JUP: variants seen among roughly 807,000 people sequenced by gnomAD.
JUP encodes the protein catenin (cadherin-associated protein), gamma 80kDa.
Under a neutral mutation model 71.1 loss-of-function variants are expected in JUP, and 28 were observed. That is an observed-to-expected ratio of 0.39 (90% CI 0.29 to 0.54). The LOEUF (loss-of-function observed/expected upper bound fraction) is 0.54, where lower values mean the gene tolerates loss of function less well. JUP is among the 20% of genes least tolerant of loss of function. The pLI, the probability that JUP is intolerant of heterozygous loss-of-function variation, is 0.62. For synonymous variants in JUP, 401 were observed against 438.9 expected (o/e 0.91, Z 1.08); for missense variants, 869 against 1,030.1 (o/e 0.84, Z 2.14).
intron 1 of JUP, among the ~76,000 whole-genome samples, chr17:41,775,232 C>T (rs574330800): frequency 7.2e-5 from 11 of 152,196 alleles, no homozygotes; most frequent in Admixed American, 3.9e-4. Flanking sequence ...AAACAGGATT[C>T]CCACAACAGA....
At chr17:41,768,080 G>A (rs907972716) in intron 4 of JUP, among the ~76,000 whole-genome samples, 1 of 151,842 alleles carries the variant, frequency 6.6e-6, no homozygotes, top group African/African-American at 2.4e-5. Flanking sequence ...CCTGGCCAAC[G>A]TGGTGAAACC....
chr17:41,780,582 C>T (rs1555610013), intron 1 of JUP, among the ~76,000 whole-genome samples: 1 of 151,878 alleles, frequency 6.6e-6, no homozygotes, highest in Non-Finnish European at 1.5e-5. Context: ...GTAGTCCCAG[C>T]TACTTAGGAG....
At chr17:41,772,130 G>T in intron 1 of JUP, 1 of 552,592 alleles carries the variant, frequency 1.8e-6, no homozygotes, top group South Asian at 1.9e-5. Flanking sequence ...CTCCCAGGGG[G>T]ATGAGCCCCA....
At chr17:41,783,288 T>TG (rs2047264035) in intron 1 of JUP, among the ~76,000 whole-genome samples, 1 of 81,446 alleles carries the variant, frequency 1.2e-5, no homozygotes, top group African/African-American at 3.9e-5. Flanking sequence ...GATACGCGTT[T>TG]TTTTTGTTTT....
intron 8 of JUP, among the ~76,000 whole-genome samples, chr17:41,759,393 T>A (rs1914434093): frequency 6.6e-6 from 1 of 152,154 alleles, no homozygotes; most frequent in Non-Finnish European, 1.5e-5. Context: ...CTAATTCTAA[T>A]AGCCCTTGCT....
intron 7 of JUP, among the ~76,000 whole-genome samples, 174 bp downstream of exon 7, chr17:41,764,534 GAAAAA>G (rs1555603054): frequency 9.5e-5 from 8 of 83,908 alleles, no homozygotes; most frequent in Admixed American, 1.6e-4. Flanking sequence ...GACTCCGTCA[GAAAAA>G]AAAAAAAAAA....
chr17:41,772,102 T>C, intron 1 of JUP: 2 of 599,898 alleles, frequency 3.3e-6, no homozygotes, highest in South Asian at 1.8e-5. Context: ...GTGTATGTCC[T>C]GGGCTTGCAT....
In JUP at chr17:41,764,075, G is replaced by A. The variant is rs144277125; in HGVS notation, c.1158+638C>T. Reference sequence around the variant, plus strand: ...AATGCCACGCAGAGGGCCAGCACAGGGTGAGCACTTGATAAACAGCATATT... The same window carrying A: ...AATGCCACGCAGAGGGCCAGCACAGAGTGAGCACTTGATAAACAGCATATT... On this transcript the variant is annotated intron_variant, in intron 7 of 13. Transcript: ENST00000393931. Among the ~76,000 whole-genome samples, 262 of 152,338 alleles carry A rather than the reference G, an allele frequency of 1.7e-3. 1 individual carries two copies. Among genetic ancestry groups the A allele is most frequent in the South Asian group, 2.9e-3 (14 of 4,828 alleles).
chr17:41,783,131 G>A (rs2047254494), intron 1 of JUP, among the ~76,000 whole-genome samples: 1 of 151,748 alleles, frequency 6.6e-6, no homozygotes, highest in Non-Finnish European at 1.5e-5. Context: ...AGAGCTGCAT[G>A]GGGCAATACA....
In JUP at chr17:41,755,042, C is replaced by T; in HGVS notation, c.*702G>A. On this transcript the variant is annotated 3_prime_UTR_variant, in exon 14 of 14. Coordinates refer to ENST00000393931, the MANE Select transcript of JUP (RefSeq NM_002230.4). Reference sequence around the variant, plus strand: ...GGGGGTTTGGGTCTCGAACCTGGGCCCTGGAGGCCCTGGGGGCTTAGGGCA... The same window carrying T: ...GGGGGTTTGGGTCTCGAACCTGGGCTCTGGAGGCCCTGGGGGCTTAGGGCA... The T allele has an allele frequency of 2.7e-6, 1 of 373,158 alleles. No homozygotes were observed. Among genetic ancestry groups the T allele is most frequent in the Non-Finnish European group, 4.8e-6 (1 of 210,342 alleles). 23.1% of individuals were successfully genotyped at this position (373,158 alleles called of 1,614,324 possible). A position where few individuals can be genotyped will look rare whatever the true frequency, so the allele number is the denominator to read the frequency against.
Position 41,763,220 on chromosome 17 carries a change from G to C in JUP, c.1260C>G (p.Cys420Trp), listed in dbSNP as rs781832261. 1.2e-6 allele frequency: 2 copies of C among 1,614,228 alleles called. No homozygotes were observed. The highest frequency in any genetic ancestry group is 1.7e-6 in the Non-Finnish European group (2 of 1,180,018). The change falls in exon 8 of 14, where the codon TGC (cysteine) becomes TGG (tryptophan). Residue 420 changes from cysteine to tryptophan, a missense_variant. Physicochemically the swap from Cys to Trp is radical, Grantham distance 215 (BLOSUM62 -2). Transcript: ENST00000393931. ...CCAGCGTCTTGTTCTTGCTGTTGTT[G>C]CATGTCAGGTTGGAGAGTGTGCCCG... Reference protein sequence around the residue: ...CATGTLSNLTCNNSKNKTLVT... With the variant: ...CATGTLSNLTWNNSKNKTLVT...
intron 8 of JUP, among the ~76,000 whole-genome samples, chr17:41,761,790 C>T (rs1420222291): frequency 2.7e-5 from 4 of 149,948 alleles, no homozygotes; most frequent in Middle Eastern, 3.5e-3. Flanking sequence ...CAGAATTGTC[C>T]GGGCCTGGTG....
rs1484071882 is a variant in JUP, at chr17:41,757,770, C to T, written c.1788G>A (p.Ser596=). ...IPLFVQLLYS[S]VENIQRVAAG... is the part of the protein sequence containing the mutation. ...CAGCCACGCGCTGGATGTTCTCCAC[C>T]GACGAGTACAGGAGCTGGGGAGAGG... The change falls in exon 11 of 14, where the codon TCG becomes TCA. Residue 596 remains serine (S), a synonymous_variant. Transcript: ENST00000393931. 3.7e-6 allele frequency: 6 copies of T among 1,610,584 alleles called. No homozygotes were observed. The highest frequency in any genetic ancestry group is 4.2e-6 in the Non-Finnish European group (5 of 1,178,272).
At position 41,771,668 on chromosome 17, in the gene JUP, G is replaced by C; in HGVS notation, c.187C>G (p.Gln63Glu). The C allele has an allele frequency of 6.2e-7, 1 of 1,613,698 alleles. No homozygotes were observed. ...YTLKKTTTYT[Q>E]GVPPSQGDLE... ...TGACCTTGGCTGGGGGGCACCCCCTGGGTGTAAGTGGTGGTTTTCTTGAGC... is the reference window on the plus strand; with the variant it reads ...TGACCTTGGCTGGGGGGCACCCCCTCGGTGTAAGTGGTGGTTTTCTTGAGC... Residue 63 changes from glutamine (Q) to glutamate (E), a missense_variant, in exon 2 of 14, where the codon CAG becomes GAG. Coordinates refer to ENST00000393931, the MANE Select transcript of JUP (RefSeq NM_002230.4).
In JUP at chr17:41,759,367, G is replaced by A. The variant is rs138257521; in HGVS notation, c.1498-497C>T. ...TGGGATTACAGGTGTGGGCTACCAC[G>A]TCCGGCTGCTCATGGCTAATTCTAA... On this transcript the variant is annotated intron_variant, in intron 8 of 13. Coordinates refer to ENST00000393931, the MANE Select transcript of JUP (RefSeq NM_002230.4). Among the ~76,000 whole-genome samples, 379 of 152,128 alleles carry A rather than the reference G, an allele frequency of 2.5e-3. 4 individuals are homozygous for A. The highest frequency in any genetic ancestry group is 8.4e-3 in the African/African-American group (348 of 41,508).
chr17:41,763,977 C>T (rs77023293), intron 7 of JUP, among the ~76,000 whole-genome samples: 2,350 of 152,256 alleles, frequency 0.015, 32 homozygotes, highest in Non-Finnish European at 0.021. Context: ...ATTAGCTCCC[C>T]GAGCCTCAGT....
intron 5 of JUP, among the ~76,000 whole-genome samples, chr17:41,766,390 G>A (rs1340871027): frequency 6.6e-6 from 1 of 152,036 alleles, no homozygotes; most frequent in African/African-American, 2.4e-5. Flanking sequence ...ATTAGAGGGT[G>A]GTTTTGAGGA....
At chr17:41,762,728 C>T (rs1915099728) in intron 8 of JUP, among the ~76,000 whole-genome samples, 2 of 152,104 alleles carry the variant, frequency 1.3e-5, no homozygotes, top group Non-Finnish European at 1.5e-5. Flanking sequence ...ATGAAACCAC[C>T]CAGGGTACTC....
At chr17:41,776,425 G>A (rs1366045538) in intron 1 of JUP, among the ~76,000 whole-genome samples, 2 of 152,238 alleles carry the variant, frequency 1.3e-5, no homozygotes, top group Non-Finnish European at 2.9e-5. Flanking sequence ...TGGCAGAGGA[G>A]GCGGAAGCCA....
Sources: allele counts gnomAD v4.1 joint callset (sites outside exome capture counted in the v4.1 genomes callset), GRCh38; gene constraint gnomAD v4.1.1; transcripts MANE v1.5; gene names NCBI Gene and HGNC (gene_info 2026-07-23, HGNC 2026-07-21).